TLN2: variants seen among roughly 807,000 people sequenced by gnomAD.
TLN2 encodes talin-2.
Under a neutral mutation model 294.7 loss-of-function variants are expected in TLN2, and 118 were observed. That is an observed-to-expected ratio of 0.40 (90% CI 0.34 to 0.47). The LOEUF (loss-of-function observed/expected upper bound fraction) is 0.47, where lower values mean the gene tolerates loss of function less well. TLN2 is among the 20% of genes least tolerant of loss of function. TLN2 has a pLI of 0.84. For synonymous variants in TLN2, 1,431 were observed against 1,304.5 expected, an observed-to-expected ratio of 1.10 and a Z score of -2.09; for missense variants, 3,083 against 3,282.2, an observed-to-expected ratio of 0.94 and a Z score of 1.48.
intron 1 of TLN2, among the ~76,000 whole-genome samples, chr15:62,451,536 A>C (rs1039611772): frequency 1.3e-5 from 2 of 152,208 alleles, no homozygotes; most frequent in African/African-American, 4.8e-5. Flanking sequence ...GCGTGCCTGT[A>C]GTCCCAGTTA....
chr15:62,487,150 A>G (rs2038442724), intron 1 of TLN2, among the ~76,000 whole-genome samples: 1 of 152,182 alleles, frequency 6.6e-6, no homozygotes, highest in Non-Finnish European at 1.5e-5. Context: ...AATGCTGAAG[A>G]TGATGGTCCA....
chr15:62,531,797 AT>A (rs371867958), intron 1 of TLN2, among the ~76,000 whole-genome samples: 13 of 152,074 alleles, frequency 8.5e-5, no homozygotes, highest in Admixed American at 5.9e-4. Flanking sequence ...AACATGGTAG[AT>A]TTTTTTCCCC....
chr15:62,751,837 G>A (rs1189913439), intron 34 of TLN2, among the ~76,000 whole-genome samples: 1 of 152,140 alleles, frequency 6.6e-6, no homozygotes, highest in East Asian at 1.9e-4. Context: ...TTCAAAATAA[G>A]GCAAAATTCT....
intron 27 of TLN2, among the ~76,000 whole-genome samples, chr15:62,725,325 G>C (rs570530087): frequency 6.6e-6 from 1 of 152,094 alleles, no homozygotes. Context: ...CTGTGCACGC[G>C]TCCCATATCT....
chr15:62,719,694 G>T, intron 24 of TLN2, 73 bp from the exon 25 acceptor site: 1 of 1,268,490 alleles, frequency 7.9e-7, no homozygotes, highest in African/African-American at 1.5e-5. Flanking sequence ...AAGCGCACTT[G>T]GGTCATGGTC....
At chr15:62,836,913 G>C (rs944419111) in intron 57 of TLN2, among the ~76,000 whole-genome samples, 8 of 152,036 alleles carry the variant, frequency 5.3e-5, no homozygotes, top group Admixed American at 2.0e-4. Flanking sequence ...TGAAGATAAG[G>C]CTTCATTAAC....
In TLN2 at chr15:62,744,616, G is replaced by A. The variant is rs183940557; in HGVS notation, c.4026-3735G>A. Among the ~76,000 whole-genome samples, 726 of 151,988 alleles carry A rather than the reference G, an allele frequency of 4.8e-3. 5 individuals are homozygous for A. The highest frequency in any genetic ancestry group is 0.016 in the African/African-American group (673 of 41,452). On this transcript the variant is annotated intron_variant, in intron 32 of 58. Transcript: ENST00000636159. ...GGCTGGAGTGCAGAGGCGCGATCTC[G>A]GCTCACTGCAGCCTCCACCTCCCGG...
intron 3 of TLN2, among the ~76,000 whole-genome samples, chr15:62,645,899 A>T (rs765167157): frequency 1.3e-5 from 2 of 152,184 alleles, no homozygotes; most frequent in African/African-American, 2.4e-5. Flanking sequence ...AGGCACAAAG[A>T]AAAAAGCGTT....
chr15:62,660,902 C>T (rs1245754393), intron 9 of TLN2, among the ~76,000 whole-genome samples: 2 of 152,148 alleles, frequency 1.3e-5, no homozygotes, highest in Non-Finnish European at 1.5e-5. Context: ...ATCATCTCAA[C>T]AAAGTCCAAC....
rs539277267 is a variant in TLN2, at chr15:62,714,952, G to A, written c.2635-1379G>A. 2.0e-5 allele frequency among the ~76,000 whole-genome samples: 3 copies of A among 152,266 alleles called. No homozygotes were observed. In the South Asian group the frequency reaches 6.2e-4, roughly 32 times the overall value. On this transcript the variant is annotated intron_variant, in intron 22 of 58. Transcript: ENST00000636159. ...TAAAATTAGGCTGATGTGCACTTGAGACATATATAAAGGAGCAGCTTAGAA... is the reference window on the plus strand; with the variant it reads ...TAAAATTAGGCTGATGTGCACTTGAAACATATATAAAGGAGCAGCTTAGAA...
chr15:62,609,235 C>A (rs573198393), intron 2 of TLN2, among the ~76,000 whole-genome samples: 2 of 152,276 alleles, frequency 1.3e-5, no homozygotes, highest in South Asian at 4.2e-4. Context: ...GGTTTCTGAA[C>A]CATTTGATTG....
chr15:62,507,913 T>G (rs988801565), intron 1 of TLN2, among the ~76,000 whole-genome samples: 8 of 152,226 alleles, frequency 5.3e-5, no homozygotes, highest in Non-Finnish European at 1.2e-4. Context: ...ATGTGAGATA[T>G]TCTTTATTTT....
At chr15:62,729,082 C>T (rs2060583998) in intron 28 of TLN2, among the ~76,000 whole-genome samples, 1 of 152,210 alleles carries the variant, frequency 6.6e-6, no homozygotes. Flanking sequence ...CCCAGCACCA[C>T]TGATTGAAAA....
chr15:62,497,826 G>A (rs2039087588), intron 1 of TLN2, among the ~76,000 whole-genome samples: 1 of 151,996 alleles, frequency 6.6e-6, no homozygotes, highest in South Asian at 2.1e-4. Context: ...TTCCATGGTG[G>A]GGTTTTGGCT....
At chr15:62,726,530 T>C (rs2060450394) in intron 27 of TLN2, among the ~76,000 whole-genome samples, 1 of 152,158 alleles carries the variant, frequency 6.6e-6, no homozygotes, top group African/African-American at 2.4e-5. Context: ...ATTTTCATAA[T>C]CTCATTTACC....
chr15:62,666,306 T>C (rs891045995), intron 9 of TLN2, among the ~76,000 whole-genome samples: 1 of 152,072 alleles, frequency 6.6e-6, no homozygotes, highest in South Asian at 2.1e-4. Context: ...CCTCAAGACA[T>C]GATTAGGTCA....
At chr15:62,825,881 T>A (rs1218474839) in intron 54 of TLN2, among the ~76,000 whole-genome samples, 2 of 115,218 alleles carry the variant, frequency 1.7e-5, no homozygotes, top group East Asian at 2.2e-4. Context: ...TATATATATA[T>A]AATAAGTCAG....
At chr15:62,642,271 C>T (rs754369608) in intron 3 of TLN2, among the ~76,000 whole-genome samples, 2 of 152,160 alleles carry the variant, frequency 1.3e-5, no homozygotes, top group Non-Finnish European at 2.9e-5. Flanking sequence ...CATTCAAATT[C>T]GGGTAAACGA....
chr15:62,642,231 A>T (rs1256125949), intron 3 of TLN2, among the ~76,000 whole-genome samples: 1 of 152,250 alleles, frequency 6.6e-6, no homozygotes, highest in Non-Finnish European at 1.5e-5. Context: ...AAAAAACAAA[A>T]ACAACCTTAA....
Sources: allele counts gnomAD v4.1 joint callset (sites outside exome capture counted in the v4.1 genomes callset), GRCh38; gene constraint gnomAD v4.1.1; transcripts MANE v1.5; gene names NCBI Gene and HGNC (gene_info 2026-07-23, HGNC 2026-07-21).